The following GAREM1 variants were observed in gnomAD, a reference collection of about 807,000 sequenced individuals.
The protein encoded by GAREM1 is GRB2-associated and regulator of MAPK protein 1.
In GAREM1, 26 loss-of-function variants were observed where a neutral mutation model predicts 71.3. That is an observed-to-expected ratio of 0.36 (90% CI 0.27 to 0.51). The LOEUF is 0.51. Ranked by LOEUF, GAREM1 falls within the 20% of genes least tolerant of loss-of-function variation. GAREM1 has a pLI of 0.95. For synonymous variants in GAREM1, 440 were observed against 433.2 expected (o/e 1.02, Z -0.20); for missense variants, 1,026 against 1,103.1 (o/e 0.93, Z 0.99).
chr18:32,339,591 AC>A (rs1266353278), intron 2 of GAREM1, among the ~76,000 whole-genome samples: 3 of 152,134 alleles, frequency 2.0e-5, no homozygotes, highest in African/African-American at 7.2e-5. Context: ...CTTTGTGCAG[AC>A]CTGTGTCTTC....
chr18:32,470,429 C>G lies in GAREM1; in HGVS notation c.-1G>C, dbSNP rs200328431. The G allele has an allele frequency of 5.5e-5, 82 of 1,503,520 alleles. 2 individuals carry two copies. In the Middle Eastern group the frequency reaches 1.3e-3, roughly 24 times the overall value. The allele number at this position is 1,503,520 out of a possible 1,614,324, so 93.1% of individuals were successfully genotyped here. A position where few individuals can be genotyped will look rare whatever the true frequency, so the allele number is the denominator to read the frequency against. On this transcript the variant is annotated 5_prime_UTR_variant, in exon 1 of 6. Transcript: ENST00000269209. The surrounding 1 kb of genome is among the most constrained non-coding windows in gnomAD (Gnocchi z 4.4). ...AGCCCAGCGAGGGCGCCGGGTCCAT[C>G]TTCCCCGAAGCCTCCTGTCCCGCGC...
intron 4 of GAREM1, among the ~76,000 whole-genome samples, chr18:32,272,787 C>T (rs1018696184): frequency 3.9e-5 from 6 of 152,192 alleles, no homozygotes; most frequent in African/African-American, 1.4e-4. Flanking sequence ...CCACACCCAG[C>T]TAATTTTGTA....
intron 1 of GAREM1, among the ~76,000 whole-genome samples, chr18:32,425,090 C>T (rs181407277): frequency 6.6e-6 from 1 of 152,286 alleles, no homozygotes; most frequent in African/African-American, 2.4e-5. Context: ...CTATTTTTAC[C>T]TCAATGCGTT....
intron 1 of GAREM1, among the ~76,000 whole-genome samples, chr18:32,465,847 T>C (rs12607005): frequency 0.17 from 25,788 of 152,214 alleles, 2,344 homozygotes; most frequent in Admixed American, 0.24. Context: ...TGACCTTCAC[T>C]GTGATGGAAG....
intron 1 of GAREM1, among the ~76,000 whole-genome samples, chr18:32,404,710 C>T (rs1205736794): frequency 6.6e-6 from 1 of 152,152 alleles, no homozygotes; most frequent in African/African-American, 2.4e-5. Flanking sequence ...TCTTATATGA[C>T]AGATTTATTT....
chr18:32,301,569 G>A (rs115069049), intron 3 of GAREM1, among the ~76,000 whole-genome samples: 34 of 152,252 alleles, frequency 2.2e-4, no homozygotes, highest in South Asian at 8.3e-4. Flanking sequence ...GAGCTAATGC[G>A]AACCAACCAA....
At chr18:32,282,524 C>T (rs2046965451) in intron 4 of GAREM1, among the ~76,000 whole-genome samples, 2 of 152,134 alleles carry the variant, frequency 1.3e-5, no homozygotes, top group South Asian at 4.1e-4. Flanking sequence ...TGTGAACCTG[C>T]AGGGTTTTTG....
At chr18:32,313,720 T>C (rs970962454) in intron 2 of GAREM1, among the ~76,000 whole-genome samples, 7 of 152,018 alleles carry the variant, frequency 4.6e-5, no homozygotes, top group African/African-American at 1.7e-4. Context: ...GCAAAGAGTT[T>C]TTAGGGAATT....
intron 1 of GAREM1, among the ~76,000 whole-genome samples, chr18:32,455,397 G>A (rs767941773): frequency 6.6e-6 from 1 of 152,166 alleles, no homozygotes; most frequent in Non-Finnish European, 1.5e-5. Flanking sequence ...AGAATAGCAT[G>A]TGAAAGTTGC....
intron 1 of GAREM1, among the ~76,000 whole-genome samples, chr18:32,461,740 T>C (rs1353304480): frequency 6.6e-6 from 1 of 152,134 alleles, no homozygotes; most frequent in Admixed American, 6.6e-5. Flanking sequence ...GTATTTTATA[T>C]TTTACAAAAA....
intron 2 of GAREM1, among the ~76,000 whole-genome samples, chr18:32,365,858 T>C (rs1463259492): frequency 1.3e-5 from 2 of 152,188 alleles, no homozygotes; most frequent in East Asian, 3.8e-4. Flanking sequence ...CTGGAGGTAA[T>C]ACATTTCATA....
chr18:32,338,182 C>T (rs2047616559), intron 2 of GAREM1, among the ~76,000 whole-genome samples: 1 of 152,146 alleles, frequency 6.6e-6, no homozygotes, highest in African/African-American at 2.4e-5. Context: ...ACCTACAACC[C>T]CAGAGGGATC....
chr18:32,268,578 A>G lies in GAREM1; in HGVS notation c.1924T>C (p.Phe642Leu). 2 of 1,614,168 alleles carry G rather than the reference A, an allele frequency of 1.2e-6. No homozygotes were observed. Among genetic ancestry groups the G allele is most frequent in the Non-Finnish European group, 1.7e-6 (2 of 1,180,016 alleles). Residue 642 changes from phenylalanine (F) to leucine (L), a missense_variant, in exon 6 of 6, where the codon TTC (phenylalanine) becomes CTC (leucine). By Grantham distance (22) the Phe-to-Leu change is conservative. Coordinates refer to ENST00000269209, the MANE Select transcript of GAREM1 (RefSeq NM_001242409.2). ...GASESQTRSD[F>L]LLDPSRSYSY... ...TAACTCCTGCTTGGATCCAGCAGGA[A>G]GTCACTCCTGGTCTGGCTTTCTGAT...
intron 1 of GAREM1, among the ~76,000 whole-genome samples, chr18:32,416,571 C>T (rs1436980422): frequency 2.0e-5 from 3 of 152,076 alleles, no homozygotes; most frequent in Non-Finnish European, 2.9e-5. Context: ...CAAATCCACA[C>T]ACCTACAATG....
intron 1 of GAREM1, among the ~76,000 whole-genome samples, chr18:32,411,292 C>A (rs533312073): frequency 6.6e-6 from 1 of 152,286 alleles, no homozygotes; most frequent in Non-Finnish European, 1.5e-5. Flanking sequence ...TAAAACCCAA[C>A]AATTTTATTT....
At chr18:32,309,232 C>A (rs2047288774) in intron 3 of GAREM1, among the ~76,000 whole-genome samples, 1 of 149,658 alleles carries the variant, frequency 6.7e-6, no homozygotes, top group Non-Finnish European at 1.5e-5. Flanking sequence ...TGGTTGGTGG[C>A]TTGCTTCTCT....
At chr18:32,319,875 CAT>C (rs1473618920) in intron 2 of GAREM1, among the ~76,000 whole-genome samples, 1 of 152,184 alleles carries the variant, frequency 6.6e-6, no homozygotes, top group Admixed American at 6.5e-5. Flanking sequence ...TATTTCATCC[CAT>C]GCATATACCA....
intron 2 of GAREM1, among the ~76,000 whole-genome samples, chr18:32,319,999 G>C (rs948997849): frequency 6.6e-6 from 1 of 152,162 alleles, no homozygotes; most frequent in African/African-American, 2.4e-5. Flanking sequence ...TGAGTACTTA[G>C]TCCAAGTACA....
At chr18:32,394,943 G>A (rs2048236353) in intron 1 of GAREM1, among the ~76,000 whole-genome samples, 1 of 152,324 alleles carries the variant, frequency 6.6e-6, no homozygotes, top group African/African-American at 2.4e-5. Flanking sequence ...CACAGTGAAT[G>A]GAAAGTGTGT....
Sources: allele counts gnomAD v4.1 joint callset (sites outside exome capture counted in the v4.1 genomes callset), GRCh38; gene constraint gnomAD v4.1.1; non-coding constraint Gnocchi (gnomAD v3.1); transcripts MANE v1.5; gene names NCBI Gene and HGNC (gene_info 2026-07-23, HGNC 2026-07-21).